The following COL14A1 variants were observed in gnomAD, a reference collection of about 807,000 sequenced individuals.
COL14A1 encodes the protein collagen alpha-1(XIV) chain.
COL14A1 carries 136 observed loss-of-function variants against 230.3 expected under a neutral mutation model. The ratio of observed to expected loss-of-function variants is 0.59; its 90% CI spans 0.51 to 0.68. COL14A1 has a LOEUF of 0.68. Among genes scored for constraint, COL14A1 ranks in the 30% least tolerant of loss-of-function variants. The pLI, the probability that COL14A1 is intolerant of heterozygous loss-of-function variation, is 0.00. For synonymous variants in COL14A1, 792 were observed against 784.1 expected (o/e 1.01, Z -0.17); for missense variants, 1,976 against 2,215.8 (o/e 0.89, Z 2.17).
At chr8:120,180,354 C>A (rs1158514819) in intron 5 of COL14A1, among the ~76,000 whole-genome samples, 1 of 152,166 alleles carries the variant, frequency 6.6e-6, no homozygotes, top group Non-Finnish European at 1.5e-5. Flanking sequence ...GGATTCATTT[C>A]TCTTCTTTTT....
chr8:120,166,879 T>TGTGTGTGG (rs1815897931), intron 4 of COL14A1, among the ~76,000 whole-genome samples: 1 of 115,478 alleles, frequency 8.7e-6, no homozygotes, highest in South Asian at 2.8e-4. Context: ...AATTTAAGTG[T>TGTGTGTGG]GTGTGTGTGT....
chr8:120,132,088 T>G (rs1814549982), intron 1 of COL14A1, among the ~76,000 whole-genome samples: 2 of 152,094 alleles, frequency 1.3e-5, no homozygotes, highest in Non-Finnish European at 2.9e-5. Flanking sequence ...GACCTCATGA[T>G]CCACCCGCTT....
At chr8:120,184,080 A>G (rs1816563929) in intron 5 of COL14A1, among the ~76,000 whole-genome samples, 1 of 152,136 alleles carries the variant, frequency 6.6e-6, no homozygotes, top group African/African-American at 2.4e-5. Flanking sequence ...CTGGACTTAG[A>G]TGAAAATGAT....
At chr8:120,220,854 G>A (rs1373063022) in intron 14 of COL14A1, among the ~76,000 whole-genome samples, 1 of 152,108 alleles carries the variant, frequency 6.6e-6, no homozygotes, top group Non-Finnish European at 1.5e-5. Flanking sequence ...TGATGATTAT[G>A]GTGATGATGA....
chr8:120,188,279 A>G (rs1382902770), intron 5 of COL14A1, among the ~76,000 whole-genome samples: 1 of 152,010 alleles, frequency 6.6e-6, no homozygotes, highest in African/African-American at 2.4e-5. Flanking sequence ...ACGGGGTTTC[A>G]CCATGTTAGC....
intron 5 of COL14A1, among the ~76,000 whole-genome samples, chr8:120,192,693 T>G (rs1816870111): frequency 6.6e-6 from 1 of 152,036 alleles, no homozygotes; most frequent in African/African-American, 2.4e-5. Context: ...CAATCAGACA[T>G]AGATTTGGTC....
intron 14 of COL14A1, among the ~76,000 whole-genome samples, chr8:120,222,569 G>A (rs930730485): frequency 6.6e-6 from 1 of 152,192 alleles, no homozygotes. Flanking sequence ...GAGTGGCTCA[G>A]TACAGCACAA....
intron 1 of COL14A1, among the ~76,000 whole-genome samples, chr8:120,135,590 A>T (rs930704533): frequency 6.6e-6 from 1 of 152,206 alleles, no homozygotes; most frequent in Non-Finnish European, 1.5e-5. Flanking sequence ...AGGAATAAGC[A>T]TACTTTATAA....
rs199888904 is a variant in COL14A1, at chr8:120,250,641, T to C, written c.2627T>C (p.Phe876Ser). The C allele has an allele frequency of 1.0e-4, 166 of 1,614,112 alleles. No homozygotes were observed. In the Admixed American group the frequency reaches 1.2e-3, roughly 11 times the overall value. The change falls in exon 22 of 48, where the codon TTT becomes TCT. Residue 876 changes from phenylalanine (F) to serine (S), a missense_variant. Phe to Ser is a radical substitution (Grantham distance 155). Around this residue, in one of 3 missense-constraint regions of COL14A1, gnomAD observed 1,791 missense variants for 2,019.5 expected, o/e 0.89. Coordinates refer to ENST00000297848, the MANE Select transcript of COL14A1 (RefSeq NM_021110.4). ...GTTCCTGGTCCAACACTGGAAACGT[T>C]TGTGGGAGCTGACATTAACACCATC... The part of the protein sequence containing the change: ...VSVPGPTLET[F>S]VGADINTILI...
At chr8:120,348,874 A>G (rs1822638766) in intron 45 of COL14A1, among the ~76,000 whole-genome samples, 1 of 152,226 alleles carries the variant, frequency 6.6e-6, no homozygotes, top group Admixed American at 6.5e-5. Flanking sequence ...GGGACAAAAG[A>G]AATTATTTTT....
intron 26 of COL14A1, among the ~76,000 whole-genome samples, chr8:120,271,680 C>T (rs1819670016): frequency 6.6e-6 from 1 of 151,480 alleles, no homozygotes; most frequent in South Asian, 2.1e-4. Context: ...TTTGAAACTT[C>T]ATACACCAAA....
rs990272105 is a variant in COL14A1 at position 120,370,481 on chromosome 8, G to A, written c.5312-671G>A. On this transcript the variant is annotated intron_variant, in intron 47 of 47. Transcript: ENST00000297848. ...CCCTGCCCCTAACAATGGACACTCT[G>A]CTTCCCTGCTTCTTCTGCATCCCTG... The A allele has an allele frequency of 3.3e-6, 5 of 1,516,048 alleles. No individual in the cohort carries two copies. The African/African-American group carries it at 6.9e-5, about 21-fold the overall frequency. 93.9% of individuals were successfully genotyped at this position (1,516,048 alleles called of 1,614,324 possible). A position where few individuals can be genotyped will look rare whatever the true frequency, so the allele number is the denominator to read the frequency against.
chr8:120,185,350 T>C (rs1816617644), intron 5 of COL14A1, among the ~76,000 whole-genome samples: 1 of 152,110 alleles, frequency 6.6e-6, no homozygotes, highest in Non-Finnish European at 1.5e-5. Flanking sequence ...GGACAAAACA[T>C]TTAGAAGACC....
At chr8:120,286,521 T>G (rs1820208770) in intron 33 of COL14A1, among the ~76,000 whole-genome samples, 1 of 152,168 alleles carries the variant, frequency 6.6e-6, no homozygotes, top group African/African-American at 2.4e-5. Context: ...ATTAATTTAT[T>G]TATTTTGAGA....
At chr8:120,136,657 A>G (rs1814718195) in intron 1 of COL14A1, among the ~76,000 whole-genome samples, 1 of 151,974 alleles carries the variant, frequency 6.6e-6, no homozygotes, top group African/African-American at 2.4e-5. Context: ...GATGCTGTCT[A>G]GTTTTGATAA....
chr8:120,312,830 C>T lies in COL14A1; in HGVS notation c.4456-1102C>T, dbSNP rs79893808. Among the ~76,000 whole-genome samples, 38 of 152,238 alleles carry T rather than the reference C, an allele frequency of 2.5e-4. No homozygotes were observed. In the East Asian group the frequency reaches 5.0e-3, roughly 20 times the overall value. ...TTTCTGTATTCTTTGTCCCATGTAA[C>T]GTGTTCACCAATCTCAGAGCTAAGA... On this transcript the variant is annotated intron_variant, in intron 37 of 47. Coordinates refer to ENST00000297848, the MANE Select transcript of COL14A1 (RefSeq NM_021110.4).
At chr8:120,149,789 C>T (rs1035362440) in intron 2 of COL14A1, among the ~76,000 whole-genome samples, 1 of 151,388 alleles carries the variant, frequency 6.6e-6, no homozygotes, top group Non-Finnish European at 1.5e-5. Context: ...CTGCCTCCTG[C>T]GTTCAAGCAA....
At chr8:120,248,994 C>T (rs1225120952) in intron 21 of COL14A1, among the ~76,000 whole-genome samples, 6 of 140,776 alleles carry the variant, frequency 4.3e-5, no homozygotes, top group South Asian at 2.3e-4. Flanking sequence ...GGCGCAGCCT[C>T]GGCTCACTGC....
rs1817102582 is a variant in COL14A1 at position 120,198,051 on chromosome 8, T to C, written c.712+121T>C. ...TTAATTAAACTAGCACTTAGGATTC[T>C]TTGATGGCTGTTTTCCCAAACTCAG... On this transcript the variant is annotated intron_variant, in intron 7 of 47. Transcript: ENST00000297848. 3 of 967,450 alleles carry C rather than the reference T, an allele frequency of 3.1e-6. No individual in the cohort carries two copies. The Admixed American group carries it at 7.5e-5, about 24-fold the overall frequency. 59.9% of individuals were successfully genotyped at this position (967,450 alleles called of 1,614,324 possible).
Sources: gnomAD v4.1 joint callset for allele counts (sites outside exome capture counted in the v4.1 genomes callset) on GRCh38, gnomAD v4.1.1 for gene constraint, gnomAD v4.1.1 regional missense constraint, MANE v1.5 for transcripts, NCBI Gene and HGNC (gene_info 2026-07-23, HGNC 2026-07-21) for gene names.